The following RGPD2 variants were observed in gnomAD, a reference collection of about 807,000 sequenced individuals.
RGPD2 encodes the protein RANBP2-like and GRIP domain-containing protein 2.
Under a neutral mutation model 36.0 loss-of-function variants are expected in RGPD2, and 2 were observed. The ratio of observed to expected loss-of-function variants is 0.06; its 90% confidence interval spans 0.02 to 0.17. The LOEUF is 0.17. Ranked by LOEUF, RGPD2 falls within the 10% of genes least tolerant of loss-of-function variation. RGPD2 has a pLI of 1.00. For synonymous variants in RGPD2, 19 were observed against 163.8 expected (o/e 0.12, Z 6.75); for missense variants, 40 against 464.3 (o/e 0.09, Z 8.40).
the RGPD2 span, among the ~76,000 whole-genome samples, chr2:87,937,511 G>C: frequency 6.6e-6 from 1 of 151,812 alleles, no homozygotes. Flanking sequence ...GAAAGGCAAA[G>C]GGAGAGTAGG....
At chr2:87,871,590 G>T in the RGPD2 span, among the ~76,000 whole-genome samples, 2 of 151,126 alleles carry the variant, frequency 1.3e-5, no homozygotes, top group Non-Finnish European at 2.9e-5. Context: ...TCAGGTCCGG[G>T]TGCGGTGGCT....
the RGPD2 span, among the ~76,000 whole-genome samples, chr2:87,943,347 T>G: frequency 6.6e-6 from 1 of 150,648 alleles, no homozygotes; most frequent in East Asian, 2.0e-4. Flanking sequence ...CGTTCACTAA[T>G]GATTAGTGCT....
chr2:87,927,774 C>A, the RGPD2 span, among the ~76,000 whole-genome samples: 6 of 150,988 alleles, frequency 4.0e-5, no homozygotes, highest in Non-Finnish European at 8.9e-5. Flanking sequence ...GCACATAGAG[C>A]CAGTTCCTGA....
the RGPD2 span, among the ~76,000 whole-genome samples, chr2:87,877,442 A>G: frequency 6.6e-6 from 1 of 152,262 alleles, no homozygotes; most frequent in Admixed American, 6.5e-5. Flanking sequence ...AAAGGAGCTT[A>G]TTTCTCCTTC....
the RGPD2 span, among the ~76,000 whole-genome samples, chr2:87,836,732 T>C: frequency 6.6e-6 from 1 of 151,854 alleles, no homozygotes; most frequent in Non-Finnish European, 1.5e-5. Flanking sequence ...TCCACAGGTA[T>C]CAATATTAAC....
chr2:87,875,666 G>GT, the RGPD2 span, among the ~76,000 whole-genome samples: 3,210 of 123,872 alleles, frequency 0.026, no homozygotes, highest in African/African-American at 0.099. Context: ...TTGGCTTGAA[G>GT]TTTTTGTTGT....
chr2:87,853,846 T>G, the RGPD2 span, among the ~76,000 whole-genome samples: 1 of 152,306 alleles, frequency 6.6e-6, no homozygotes, highest in East Asian at 1.9e-4. Flanking sequence ...TGGTTAGTCA[T>G]TTTGTAAAAA....
the RGPD2 span, among the ~76,000 whole-genome samples, chr2:87,876,088 TTC>T: frequency 1.3e-5 from 2 of 151,880 alleles, no homozygotes; most frequent in African/African-American, 4.8e-5. Context: ...GTATATTTGA[TTC>T]TGTTTTCTTT....
the RGPD2 span, chr2:87,986,052 G>A: frequency 3.2e-6 from 2 of 627,018 alleles, no homozygotes; most frequent in South Asian, 4.1e-5. Context: ...AAGAGCCAAT[G>A]AGATGCAAGC....
chr2:87,906,711 TA>T, the RGPD2 span, among the ~76,000 whole-genome samples: 1 of 150,802 alleles, frequency 6.6e-6, no homozygotes, highest in South Asian at 2.1e-4. Context: ...CACCTGCATA[TA>T]TTTCTGAACC....
chr2:87,980,093 T>A, the RGPD2 span, among the ~76,000 whole-genome samples: 1 of 152,068 alleles, frequency 6.6e-6, no homozygotes, highest in African/African-American at 2.4e-5. Flanking sequence ...CTCATGCCTG[T>A]AATCCCAGCA....
At chr2:87,844,802 T>A in the RGPD2 span, among the ~76,000 whole-genome samples, 2 of 147,856 alleles carry the variant, frequency 1.4e-5, no homozygotes, top group African/African-American at 4.9e-5. Flanking sequence ...TCTATTATAT[T>A]TTCTAACCTG....
At chr2:87,945,083 A>G in the RGPD2 span, among the ~76,000 whole-genome samples, 1 of 151,882 alleles carries the variant, frequency 6.6e-6, no homozygotes, top group Non-Finnish European at 1.5e-5. Flanking sequence ...CATAAACAGG[A>G]ACACAAAAAA....
At chr2:87,936,221 GA>G in the RGPD2 span, among the ~76,000 whole-genome samples, 1 of 151,574 alleles carries the variant, frequency 6.6e-6, no homozygotes, top group Non-Finnish European at 1.5e-5. Context: ...CCCTGGTGTT[GA>G]GATAATTTTC....
At chr2:87,974,693 G>C in the RGPD2 span, among the ~76,000 whole-genome samples, 36 of 152,218 alleles carry the variant, frequency 2.4e-4, no homozygotes, top group East Asian at 5.2e-3. Flanking sequence ...CAATGCCTTT[G>C]GTCAAGTCCT....
intron 17 of RGPD2, among the ~76,000 whole-genome samples, chr2:87,791,511 T>TCAAAA (rs1237729234): frequency 7.8e-6 from 1 of 128,426 alleles, no homozygotes; most frequent in Non-Finnish European, 1.6e-5. Flanking sequence ...AGACTCCATC[T>TCAAAA]CAAAACAAAA....
At chr2:87,988,646 T>C in the RGPD2 span, among the ~76,000 whole-genome samples, 2 of 150,180 alleles carry the variant, frequency 1.3e-5, no homozygotes, top group African/African-American at 4.9e-5. Context: ...GTTCAAGCAA[T>C]TCTCCTGCCT....
chr2:87,824,714 G>GGCC (rs1163205537), intron 1 of RGPD2, among the ~76,000 whole-genome samples: 43 of 78,536 alleles, frequency 5.5e-4, no homozygotes, highest in South Asian at 1.0e-3. Flanking sequence ...CCGAGGCCGA[G>GGCC]GCCGCCGCCG....
the RGPD2 span, among the ~76,000 whole-genome samples, chr2:87,921,010 T>C: frequency 6.7e-6 from 1 of 149,500 alleles, no homozygotes; most frequent in Non-Finnish European, 1.5e-5. Context: ...TAGGCTGATG[T>C]AGAAAGTCAA....
Sources: gnomAD v4.1 joint callset for allele counts (sites outside exome capture counted in the v4.1 genomes callset) on GRCh38, gnomAD v4.1.1 for gene constraint, MANE v1.5 for transcripts, NCBI Gene and HGNC (gene_info 2026-07-23, HGNC 2026-07-21) for gene names.